WNT9B: variants seen among roughly 807,000 people sequenced by gnomAD.
WNT9B encodes Wnt family member 9B.
Under a neutral mutation model 30.2 loss-of-function variants are expected in WNT9B, and 12 were observed. That is an observed-to-expected ratio of 0.40 (90% CI 0.26 to 0.64). The LOEUF (loss-of-function observed/expected upper bound fraction) is 0.64. WNT9B is among the 30% of genes least tolerant of loss of function. The probability of loss-of-function intolerance (pLI) is 0.42; values close to 1 mark genes in which losing one functional copy is unlikely to be tolerated. For missense variants in WNT9B, 442 were observed against 485.2 expected (o/e 0.91, Z 0.84); for synonymous variants, 218 against 216.9 (o/e 1.01, Z -0.05).
At position 46,851,644 on chromosome 17, in the gene WNT9B, C is replaced by G; in HGVS notation, c.6C>G (p.Arg2=). The change falls in exon 1 of 4, where the codon CGC becomes CGG. Residue 2 remains arginine, a synonymous_variant. Coordinates refer to ENST00000290015, the MANE Select transcript of WNT9B (RefSeq NM_003396.3). The surrounding 1 kb of genome is among the most constrained non-coding windows in gnomAD (Gnocchi z 4.3). M[R]PPPALALAGL... ...GGCGCAGCGCCGCCAGCACCATGCG[C>G]CCCCCGCCCGCGCTGGCCCTGGCCG... is the stretch of plus-strand genomic sequence containing the variant. 6.3e-6 allele frequency: 8 copies of G among 1,278,448 alleles called. No individual in the cohort carries two copies. The highest frequency in any genetic ancestry group is 7.9e-6 in the Non-Finnish European group (8 of 1,016,818). The allele number at this position is 1,278,448 out of a possible 1,614,324, so 79.2% of individuals were successfully genotyped here.
chr17:46,867,037 G>A (rs907311053), intron 1 of WNT9B, among the ~76,000 whole-genome samples: 1 of 152,204 alleles, frequency 6.6e-6, no homozygotes, highest in Non-Finnish European at 1.5e-5. Flanking sequence ...CACCTGCATG[G>A]TACCAGGAGT....
chr17:46,883,763 G>A (rs2085455020), downstream of WNT9B, among the ~76,000 whole-genome samples: 1 of 152,194 alleles, frequency 6.6e-6, no homozygotes, highest in South Asian at 2.1e-4. Flanking sequence ...AGGGCGACTG[G>A]TGGCATCTTC....
intron 1 of WNT9B, among the ~76,000 whole-genome samples, chr17:46,867,551 G>C (rs966621626): frequency 2.0e-5 from 3 of 152,222 alleles, no homozygotes; most frequent in African/African-American, 7.2e-5. Context: ...GCAGGGGGTG[G>C]GTGATTACTG....
Position 46,879,274 on chromosome 17 carries a change from C to T in WNT9B, c.*2556C>T, listed in dbSNP as rs959064203. On this transcript the variant is annotated 3_prime_UTR_variant, in exon 4 of 4. Transcript: ENST00000290015. ...CCGGGTCCCCCACTGAGCAGGAGGC[C>T]GGGTCGCTGGGAAGGAGGACAAACC... is the stretch of plus-strand genomic sequence containing the variant. Among the ~76,000 whole-genome samples, 8 of 152,234 alleles carry T rather than the reference C, an allele frequency of 5.3e-5. No homozygotes were observed. Among genetic ancestry groups the T allele is most frequent in the East Asian group, 1.9e-4 (1 of 5,166 alleles).
chr17:46,844,305 C>CTTTTTTT (rs34889221), intron 1 of WNT9B, among the ~76,000 whole-genome samples: 1 of 127,416 alleles, frequency 7.8e-6, no homozygotes, highest in African/African-American at 3.1e-5. Context: ...AGTTAGCCAC[C>CTTTTTTT]TTTTTTTTTT....
intron 2 of WNT9B, among the ~76,000 whole-genome samples, chr17:46,873,337 G>A (rs1175090281): frequency 1.3e-5 from 2 of 151,072 alleles, no homozygotes; most frequent in Non-Finnish European, 2.9e-5. Flanking sequence ...GAGGCCCATA[G>A]TGAGCCAGGC....
At chr17:46,875,410 A>G in intron 3 of WNT9B, 44 bp downstream of exon 3, 1 of 1,541,950 alleles carries the variant, frequency 6.5e-7, no homozygotes, top group Non-Finnish European at 8.8e-7. Flanking sequence ...CCACCAGGGT[A>G]CACAGCTGGG....
intron 1 of WNT9B, among the ~76,000 whole-genome samples, chr17:46,833,964 G>C (rs951068607): frequency 9.2e-5 from 14 of 152,090 alleles, no homozygotes; most frequent in Non-Finnish European, 1.8e-4. Context: ...GGGAGTCTGA[G>C]GCAGGAGGAT....
Position 46,859,898 on chromosome 17 carries a change from T to C in WNT9B, c.77+8183T>C, listed in dbSNP as rs529490966. ...TTTTCTAGTTTTCAGTGTGCAGGCA[T>C]TGAAAATTTAAAAAAAGAAATTCTT... is the stretch of plus-strand genomic sequence containing the variant. On this transcript the variant is annotated intron_variant, in intron 1 of 3. Transcript: ENST00000290015. 3.9e-5 allele frequency among the ~76,000 whole-genome samples: 6 copies of C among 152,338 alleles called. No homozygotes were observed. In the East Asian group the frequency reaches 7.7e-4, roughly 20 times the overall value.
At chr17:46,837,347 T>C (rs1459030676) in intron 1 of WNT9B, among the ~76,000 whole-genome samples, 2 of 152,198 alleles carry the variant, frequency 1.3e-5, no homozygotes, top group African/African-American at 4.8e-5. Flanking sequence ...AACCTACTCA[T>C]GGAGCCAAAT....
At chr17:46,864,929 A>T (rs960991296) in intron 1 of WNT9B, among the ~76,000 whole-genome samples, 1 of 152,172 alleles carries the variant, frequency 6.6e-6, no homozygotes, top group Non-Finnish European at 1.5e-5. Context: ...GGGTGACCTT[A>T]AAGGGTTTCT....
At position 46,872,722 on chromosome 17, in the gene WNT9B, C is replaced by T; in HGVS notation, c.283C>T (p.His95Tyr). 6.2e-7 allele frequency: 1 copy of T among 1,609,322 alleles called. No homozygotes were observed. Among genetic ancestry groups the T allele is most frequent in the Non-Finnish European group, 8.5e-7 (1 of 1,178,058 alleles). The change falls in exon 2 of 4, where the codon CAT becomes TAT. Residue 95 changes from histidine to tyrosine, a missense_variant. Transcript: ENST00000290015. ...GCTTGAGTGCCAGTTTCAGTTCCGG[C>T]ATGAGCGCTGGAACTGTAGCCTGGA... ...GLLECQFQFR[H>Y]ERWNCSLEGR... is the part of the protein sequence containing the mutation.
intron 1 of WNT9B, among the ~76,000 whole-genome samples, chr17:46,837,895 T>A (rs1433213356): frequency 6.6e-6 from 1 of 152,052 alleles, no homozygotes; most frequent in Non-Finnish European, 1.5e-5. Flanking sequence ...TTTCTGACAG[T>A]TGGGAAAAAA....
intron 2 of WNT9B, among the ~76,000 whole-genome samples, chr17:46,874,721 G>A (rs1332694076): frequency 6.6e-6 from 1 of 152,080 alleles, no homozygotes; most frequent in African/African-American, 2.4e-5. Context: ...GGGAATATTG[G>A]CATGTACCAC....
At chr17:46,852,746 C>T (rs1479691911) in intron 1 of WNT9B, among the ~76,000 whole-genome samples, 1 of 152,082 alleles carries the variant, frequency 6.6e-6, no homozygotes, top group Admixed American at 6.6e-5. Flanking sequence ...CAATAGGAGG[C>T]TTACAGTCTG....
downstream of WNT9B, chr17:46,885,408 C>T (rs529118346): frequency 6.8e-5 from 11 of 161,808 alleles, no homozygotes; most frequent in Non-Finnish European, 1.3e-4. Context: ...GTTCAAGTGA[C>T]TCTCTTGGCT....
chr17:46,881,201 G>T (rs2085418097), downstream of WNT9B, among the ~76,000 whole-genome samples: 1 of 152,216 alleles, frequency 6.6e-6, no homozygotes, highest in Non-Finnish European at 1.5e-5. Context: ...CCCTGCTGGG[G>T]TCCACATTGC....
chr17:46,875,483 A>G, intron 3 of WNT9B, 117 bp downstream of exon 3: 2 of 1,359,120 alleles, frequency 1.5e-6, no homozygotes, highest in Non-Finnish European at 2.0e-6. Context: ...CGTGAACTTC[A>G]TAAAGGCAGG....
chr17:46,858,032 C>G (rs1384400194), intron 1 of WNT9B, among the ~76,000 whole-genome samples: 1 of 152,160 alleles, frequency 6.6e-6, no homozygotes, highest in South Asian at 2.1e-4. Context: ...TGGATTCAAG[C>G]AATTCTTGTG....
Sources: gnomAD v4.1 joint callset for allele counts (sites outside exome capture counted in the v4.1 genomes callset) on GRCh38, gnomAD v4.1.1 for gene constraint, Gnocchi (gnomAD v3.1) non-coding constraint, MANE v1.5 for transcripts, NCBI Gene and HGNC (gene_info 2026-07-23, HGNC 2026-07-21) for gene names.